STAT3: variants seen among roughly 807,000 people sequenced by gnomAD.
STAT3 encodes the protein DNA-binding protein APRF.
Under a neutral mutation model 114.3 loss-of-function variants are expected in STAT3, and 7 were observed. The observed-to-expected ratio is 0.06, with a 90% CI of 0.03 to 0.11. The LOEUF (loss-of-function observed/expected upper bound fraction) is 0.11. Ranked by LOEUF, STAT3 falls within the 10% of genes least tolerant of loss-of-function variation. The pLI, the probability that STAT3 is intolerant of heterozygous loss-of-function variation, is 1.00. For synonymous variants in STAT3, 331 were observed against 354.5 expected, an observed-to-expected ratio of 0.93 and a Z score of 0.74; for missense variants, 364 against 960.9, an observed-to-expected ratio of 0.38 and a Z score of 8.21.
chr17:42,351,299 G>A (rs752689272), intron 1 of STAT3, among the ~76,000 whole-genome samples: 3 of 151,894 alleles, frequency 2.0e-5, no homozygotes, highest in Admixed American at 2.0e-4. Flanking sequence ...AGGCTGGAGT[G>A]CAGTGGTTCA....
intron 20 of STAT3, 127 bp from the exon 21 acceptor site, chr17:42,322,621 ACC>A: frequency 1.9e-6 from 2 of 1,034,500 alleles, no homozygotes; most frequent in Non-Finnish European, 1.5e-6. Context: ...GACCCTGAAC[ACC>A]CTGTTCAGTG....
At chr17:42,321,983 C>T (rs1391070499) in intron 21 of STAT3, among the ~76,000 whole-genome samples, 6 of 152,030 alleles carry the variant, frequency 3.9e-5, no homozygotes, top group Non-Finnish European at 8.8e-5. Flanking sequence ...GCCACCACAC[C>T]GGGTAATTTT....
chr17:42,362,819 G>A (rs1428401837), intron 1 of STAT3, among the ~76,000 whole-genome samples: 1 of 152,154 alleles, frequency 6.6e-6, no homozygotes, highest in Non-Finnish European at 1.5e-5. Context: ...CCTCTCGTAT[G>A]GCTGGTACCA....
intron 1 of STAT3, among the ~76,000 whole-genome samples, chr17:42,363,996 A>G (rs1209190501): frequency 6.6e-6 from 1 of 151,722 alleles, no homozygotes; most frequent in African/African-American, 2.4e-5. Context: ...GCTCTTTCCT[A>G]TTGGCTTTGA....
At position 42,314,041 on chromosome 17, in the gene STAT3, C is replaced by T. The variant is rs907855026; in HGVS notation, c.*1704G>A. ...TGAGTCAGAGGCAGCCCATCCAGCA[C>T]GTGCTAGGTGTTCCCATACGCACAG... On this transcript the variant is annotated 3_prime_UTR_variant, in exon 24 of 24. Coordinates refer to ENST00000264657, the MANE Select transcript of STAT3 (RefSeq NM_139276.3). 1.3e-5 allele frequency: 3 copies of T among 231,534 alleles called. No homozygotes were observed. Among genetic ancestry groups the T allele is most frequent in the Admixed American group, 1.1e-4 (2 of 17,728 alleles). 14.3% of individuals were successfully genotyped at this position (231,534 alleles called of 1,614,324 possible). A position where few individuals can be genotyped will look rare whatever the true frequency, so the allele number is the denominator to read the frequency against.
Position 42,346,598 on chromosome 17 carries a change from T to G in STAT3, c.244A>C (p.Asn82His). ...AGAAACTGCTTGATTCTTCGTAGAT[T>G]GTGCTGATAGAGAACATTCGACTCT... ...LQESNVLYQH[N>H]LRRIKQFLQS... The change falls in exon 3 of 24, where the codon AAT (asparagine) becomes CAT (histidine). Residue 82 changes from asparagine (N) to histidine (H), a missense_variant. Transcript: ENST00000264657. 1 of 1,614,160 alleles carries G rather than the reference T, an allele frequency of 6.2e-7. No homozygotes were observed. Among genetic ancestry groups the G allele is most frequent in the Non-Finnish European group, 8.5e-7 (1 of 1,180,032 alleles).
chr17:42,325,285 G>T, intron 15 of STAT3: 1 of 529,476 alleles, frequency 1.9e-6, no homozygotes, highest in Non-Finnish European at 3.4e-6. Context: ...GGAATATACC[G>T]GTCCCTTGTA....
chr17:42,367,665 C>T (rs1315718017), intron 1 of STAT3, among the ~76,000 whole-genome samples: 1 of 152,168 alleles, frequency 6.6e-6, no homozygotes, highest in East Asian at 1.9e-4. Context: ...AACATCTCCC[C>T]TGCTGAATTC....
Position 42,324,747 on chromosome 17 carries a change from T to C in STAT3, c.1564A>G (p.Ile522Val). 6.2e-7 allele frequency: 1 copy of C among 1,614,158 alleles called. No homozygotes were observed. The highest frequency in any genetic ancestry group is 8.5e-7 in the Non-Finnish European group (1 of 1,180,012). ...FSSTTKRGLS[I>V]EQLTTLAEKL... ...TCTGCCAGTGTAGTCAGCTGCTCGA[T>C]GCTCAGTCCTCGCTTGGTGGTGGAG... The change falls in exon 17 of 24, where the codon ATC becomes GTC. Residue 522 changes from isoleucine to valine, a missense_variant. Ile to Val is a conservative substitution (Grantham distance 29). This residue lies in a region of STAT3 where 294 missense variants were observed against 745.1 expected (regional missense o/e 0.39). Coordinates refer to ENST00000264657, the MANE Select transcript of STAT3 (RefSeq NM_139276.3). This position sits in a 1 kb window ranked among gnomAD's most constrained non-coding sequence, Gnocchi z 4.5.
Position 42,314,041 on chromosome 17 carries a change from C to A in STAT3, c.*1704G>T. On this transcript the variant is annotated 3_prime_UTR_variant, in exon 24 of 24. Transcript: ENST00000264657. The stretch of plus-strand genomic sequence containing the variant: ...TGAGTCAGAGGCAGCCCATCCAGCA[C>A]GTGCTAGGTGTTCCCATACGCACAG... The A allele has an allele frequency of 4.3e-6, 1 of 231,652 alleles. No individual in the cohort carries two copies. Among genetic ancestry groups the A allele is most frequent in the Non-Finnish European group, 8.5e-6 (1 of 116,984 alleles). 14.3% of individuals were successfully genotyped at this position (231,652 alleles called of 1,614,324 possible).
intron 1 of STAT3, among the ~76,000 whole-genome samples, chr17:42,353,957 G>C (rs1339188398): frequency 3.3e-5 from 5 of 152,094 alleles, no homozygotes; most frequent in African/African-American, 4.8e-5. Flanking sequence ...ATTAAATCAT[G>C]AAACAGCATC....
rs1555570730 is a variant in STAT3, at chr17:42,347,203, A to ACC, written c.129-492_129-491dup. 5.1e-4 allele frequency among the ~76,000 whole-genome samples: 74 copies of ACC among 144,950 alleles called. 1 individual carries two copies. The East Asian group carries it at 0.01, about 20-fold the overall frequency. ...CCATCTCAAAAAAAAAAAAAAAAAA[A>ACC]CCACAAAACAAAAAAACAATTATTC... is the stretch of plus-strand genomic sequence containing the variant. On this transcript the variant is annotated intron_variant, in intron 2 of 23. Transcript: ENST00000264657.
At chr17:42,388,045 C>T (rs1167473144) in intron 1 of STAT3, 3 of 465,610 alleles carry the variant, frequency 6.4e-6, no homozygotes, top group East Asian at 7.3e-5. Context: ...CCCTCGAGCG[C>T]GTTCTGTTTC....
In STAT3 at chr17:42,322,846, A is replaced by G. The variant is rs8064496; in HGVS notation, c.1888+158T>C. Among the ~76,000 whole-genome samples the G allele has an allele frequency of 0.19, 28,320 of 152,212 alleles. 2,888 individuals are homozygous for G. Among genetic ancestry groups the G allele is most frequent in the East Asian group, 0.36 (1,852 of 5,160 alleles). The stretch of plus-strand genomic sequence containing the variant: ...AAAGCAAACCAATCCTTCAGCTGGA[A>G]GGATTTAGAAGTCACGCAAATGTGT... On this transcript the variant is annotated intron_variant, in intron 20 of 23. Coordinates refer to ENST00000264657, the MANE Select transcript of STAT3 (RefSeq NM_139276.3).
chr17:42,382,579 C>T (rs1388580243), intron 1 of STAT3, among the ~76,000 whole-genome samples: 2 of 152,182 alleles, frequency 1.3e-5, no homozygotes, highest in Non-Finnish European at 2.9e-5. Context: ...TCCTTGGATC[C>T]TGCCTGACGC....
At chr17:42,316,615 T>C in intron 23 of STAT3, 174 bp downstream of exon 23, 2 of 1,501,938 alleles carry the variant, frequency 1.3e-6, no homozygotes, top group Admixed American at 3.9e-5. Context: ...CCAGTGTGGC[T>C]GCTAGAAGAT....
intron 21 of STAT3, chr17:42,317,473 G>A (rs2081297036): frequency 1.7e-6 from 1 of 583,652 alleles, no homozygotes; most frequent in African/African-American, 1.9e-5. Flanking sequence ...AGACTTTTCA[G>A]CATAACCTTT....
At chr17:42,369,287 G>A (rs2083974295) in intron 1 of STAT3, among the ~76,000 whole-genome samples, 1 of 152,170 alleles carries the variant, frequency 6.6e-6, no homozygotes, top group Admixed American at 6.6e-5. Flanking sequence ...AACCTGGGAG[G>A]CGGAGGTTGC....
At chr17:42,325,998 AAC>A (rs1387693841) in intron 15 of STAT3, 116 bp downstream of exon 15, 6 of 973,824 alleles carry the variant, frequency 6.2e-6, no homozygotes, top group Non-Finnish European at 9.8e-6. Context: ...AGCAAAAATA[AAC>A]ACAGTGTTAA....
Sources: allele counts gnomAD v4.1 joint callset (sites outside exome capture counted in the v4.1 genomes callset), GRCh38; gene constraint gnomAD v4.1.1; regional missense constraint gnomAD v4.1.1; non-coding constraint Gnocchi (gnomAD v3.1); transcripts MANE v1.5; gene names NCBI Gene and HGNC (gene_info 2026-07-23, HGNC 2026-07-21).